SBF2: variants seen among roughly 807,000 people sequenced by gnomAD.
The protein encoded by SBF2 is myotubularin-related protein 13.
A neutral mutation model predicts 225.2 loss-of-function variants in SBF2; 112 were observed. The ratio of observed to expected loss-of-function variants is 0.50; its 90% CI spans 0.43 to 0.58. The LOEUF is 0.58. Ranked by LOEUF, SBF2 falls within the 20% of genes least tolerant of loss-of-function variation. SBF2 has a pLI of 0.00. For synonymous variants in SBF2, 763 were observed against 773.3 expected (o/e 0.99, Z 0.22); for missense variants, 1,996 against 2,206.2 (o/e 0.90, Z 1.91).
intron 16 of SBF2, among the ~76,000 whole-genome samples, chr11:9,897,939 T>C (rs1353725985): frequency 6.6e-6 from 1 of 152,186 alleles, no homozygotes; most frequent in African/African-American, 2.4e-5. Flanking sequence ...ATATGGATTG[T>C]CTGAACTTCC....
intron 1 of SBF2, among the ~76,000 whole-genome samples, chr11:10,304,206 T>C (rs1257858939): frequency 4.6e-5 from 7 of 152,190 alleles, no homozygotes; most frequent in Non-Finnish European, 7.3e-5. Context: ...CTTGGTAAAC[T>C]GTAAAATGAT....
intron 1 of SBF2, among the ~76,000 whole-genome samples, chr11:10,267,311 T>A (rs1310982330): frequency 6.6e-6 from 1 of 151,530 alleles, no homozygotes; most frequent in Non-Finnish European, 1.5e-5. Context: ...GTTTCTATAT[T>A]GTTTGAGACA....
At chr11:10,149,260 A>C (rs1955047991) in intron 2 of SBF2, 1 of 152,160 alleles carries the variant, frequency 6.6e-6, no homozygotes, top group Non-Finnish European at 1.5e-5. Flanking sequence ...CATTATATCA[A>C]TGTGTAGCCA....
chr11:9,944,484 G>A lies in SBF2; in HGVS notation c.1860+17473C>T, dbSNP rs146453270. On this transcript the variant is annotated intron_variant, in intron 16 of 39. Transcript: ENST00000256190. ...AGTGATTAGCAAGGTTTACACACTC[G>A]TGTTTGACTAGCAAAAACACACATT... 1.3e-4 allele frequency among the ~76,000 whole-genome samples: 20 copies of A among 152,246 alleles called. 1 individual carries two copies. In the East Asian group the frequency reaches 3.9e-3, roughly 29 times the overall value.
At chr11:9,997,176 A>G (rs1947740999) in intron 9 of SBF2, among the ~76,000 whole-genome samples, 1 of 152,170 alleles carries the variant, frequency 6.6e-6, no homozygotes, top group Non-Finnish European at 1.5e-5. Flanking sequence ...TCTATTTAAG[A>G]GGGGAAAAAA....
chr11:9,908,894 C>G (rs1862348696), intron 16 of SBF2, among the ~76,000 whole-genome samples: 1 of 148,696 alleles, frequency 6.7e-6, no homozygotes. Flanking sequence ...CGCCACGTTG[C>G]TCAGGCTGGT....
intron 16 of SBF2, among the ~76,000 whole-genome samples, chr11:9,897,152 G>A (rs931798081): frequency 8.6e-5 from 13 of 151,940 alleles, no homozygotes; most frequent in African/African-American, 2.2e-4. Context: ...AACACAATGC[G>A]GTATACAAGC....
At chr11:10,001,144 A>G (rs1443662090) in intron 7 of SBF2, 122 bp from the exon 8 acceptor site, 10 of 636,642 alleles carry the variant, frequency 1.6e-5, no homozygotes, top group African/African-American at 1.1e-4. Flanking sequence ...TAATGTTTTC[A>G]TGCTTTTTAA....
chr11:10,004,590 A>C (rs957035489), intron 6 of SBF2, among the ~76,000 whole-genome samples: 10 of 149,122 alleles, frequency 6.7e-5, no homozygotes, highest in Non-Finnish European at 1.0e-4. Flanking sequence ...AAAAAAAAAA[A>C]AAAAACAAAC....
chr11:10,039,755 G>A (rs1695235200), intron 3 of SBF2, among the ~76,000 whole-genome samples: 1 of 151,888 alleles, frequency 6.6e-6, no homozygotes, highest in South Asian at 2.1e-4. Context: ...CAGAGGCAGG[G>A]AAGGAATAAA....
At chr11:9,787,606 TG>T (rs1852457093) in intron 36 of SBF2, 27 bp downstream of exon 36, 1 of 1,583,320 alleles carries the variant, frequency 6.3e-7, no homozygotes, top group South Asian at 1.1e-5. Context: ...AGCTCAGAAG[TG>T]GCTCTCAAGG....
At position 10,068,212 on chromosome 11, in the gene SBF2, C is replaced by G. The variant is rs570437748; in HGVS notation, c.142-25231G>C. ...AAATTTTACTTTACATGTATTTATA[C>G]AGTATTAAGTGCTTCCTTAAGTGAT... On this transcript the variant is annotated intron_variant, in intron 2 of 39. Coordinates refer to ENST00000256190, the MANE Select transcript of SBF2 (RefSeq NM_030962.4). Among the ~76,000 whole-genome samples the G allele has an allele frequency of 3.3e-5, 5 of 152,288 alleles. No homozygotes were observed. In the South Asian group the frequency reaches 1.0e-3, roughly 32 times the overall value.
intron 25 of SBF2, among the ~76,000 whole-genome samples, chr11:9,840,314 T>C (rs2133954999): frequency 6.6e-6 from 1 of 151,688 alleles, no homozygotes; most frequent in Admixed American, 6.6e-5. Flanking sequence ...GACAGGTTTA[T>C]ATTAGGATGA....
intron 2 of SBF2, among the ~76,000 whole-genome samples, chr11:10,114,630 A>C (rs979037796): frequency 2.0e-5 from 3 of 152,228 alleles, no homozygotes; most frequent in African/African-American, 2.4e-5. Context: ...TGACATTTTA[A>C]TATCAATTAT....
chr11:10,098,720 C>CACACACACACAT (rs144970897), intron 2 of SBF2, among the ~76,000 whole-genome samples: 6 of 140,260 alleles, frequency 4.3e-5, no homozygotes, highest in African/African-American at 1.6e-4. Flanking sequence ...CACACACACA[C>CACACACACACAT]GAAATTCTGG....
Position 9,932,957 on chromosome 11 carries a change from C to CAA in SBF2, c.1860+28998_1860+28999dup, listed in dbSNP as rs574177096. ...GGAGATCTACCAAGCAAACGAAAAG[C>CAA]AAAAAAAAAAAAAAAAAAAAAAAAA... is the stretch of plus-strand genomic sequence containing the variant. On this transcript the variant is annotated intron_variant, in intron 16 of 39. Coordinates refer to ENST00000256190, the MANE Select transcript of SBF2 (RefSeq NM_030962.4). Among the ~76,000 whole-genome samples, 18 of 58,768 alleles carry CAA rather than the reference C, an allele frequency of 3.1e-4. No homozygotes were observed. In the East Asian group the frequency reaches 0.012, roughly 39 times the overall value. 38.6% of individuals were successfully genotyped at this position (58,768 alleles called of 152,430 possible).
chr11:9,962,166 A>C lies in SBF2; in HGVS notation c.1711-60T>G, dbSNP rs909657706. On this transcript the variant is annotated intron_variant, in intron 15 of 39. Coordinates refer to ENST00000256190, the MANE Select transcript of SBF2 (RefSeq NM_030962.4). Reference sequence around the variant, plus strand: ...ACCACTGGGGGAAACAACAACTTTCAAACAATCATCCTGAAAATTCAAACG... The same window carrying C: ...ACCACTGGGGGAAACAACAACTTTCCAACAATCATCCTGAAAATTCAAACG... 6 of 1,499,600 alleles carry C rather than the reference A, an allele frequency of 4.0e-6. No individual in the cohort carries two copies. In the African/African-American group the frequency reaches 8.3e-5, roughly 21 times the overall value. 92.9% of individuals were successfully genotyped at this position (1,499,600 alleles called of 1,614,324 possible). A position where few individuals can be genotyped will look rare whatever the true frequency, so the allele number is the denominator to read the frequency against.
intron 16 of SBF2, among the ~76,000 whole-genome samples, chr11:9,902,986 C>G (rs1035331544): frequency 6.6e-6 from 1 of 151,430 alleles, no homozygotes; most frequent in Non-Finnish European, 1.5e-5. Flanking sequence ...AAACCTGAAC[C>G]CAAGGGAAAA....
chr11:9,978,671 C>T (rs567667525), intron 13 of SBF2, among the ~76,000 whole-genome samples: 2 of 152,266 alleles, frequency 1.3e-5, no homozygotes, highest in African/African-American at 4.8e-5. Context: ...GAGACAGGGT[C>T]TCACTTTATC....
Sources: allele counts gnomAD v4.1 joint callset (sites outside exome capture counted in the v4.1 genomes callset), GRCh38; gene constraint gnomAD v4.1.1; transcripts MANE v1.5; gene names NCBI Gene and HGNC (gene_info 2026-07-23, HGNC 2026-07-21).